The following EEA1 variants were observed in gnomAD, a reference collection of about 807,000 sequenced individuals.
EEA1 encodes early endosome antigen 1.
Under a neutral mutation model 209.2 loss-of-function variants are expected in EEA1, and 111 were observed. The observed-to-expected ratio is 0.53, with a 90% CI of 0.45 to 0.62. The LOEUF (loss-of-function observed/expected upper bound fraction) is 0.62. Ranked by LOEUF, EEA1 falls within the 20% of genes least tolerant of loss-of-function variation. EEA1 has a pLI of 0.00. For missense variants in EEA1, 1,343 were observed against 1,530.8 expected (o/e 0.88, Z 2.05); for synonymous variants, 536 against 540.6 (o/e 0.99, Z 0.12).
intron 10 of EEA1, among the ~76,000 whole-genome samples, chr12:92,837,022 G>A (rs1420067645): frequency 6.6e-6 from 1 of 151,730 alleles, no homozygotes; most frequent in Admixed American, 6.6e-5. Flanking sequence ...TCAGGAGGCT[G>A]AGGCAAGAGA....
intron 2 of EEA1, among the ~76,000 whole-genome samples, chr12:92,872,217 T>A (rs547695066): frequency 2.6e-5 from 4 of 152,024 alleles, no homozygotes; most frequent in African/African-American, 9.6e-5. Context: ...CCTGGCCAAT[T>A]TTTGTATTTT....
At chr12:92,828,268 C>T (rs1293181939) in intron 11 of EEA1, among the ~76,000 whole-genome samples, 8 of 152,046 alleles carry the variant, frequency 5.3e-5, no homozygotes, top group African/African-American at 9.7e-5. Context: ...ATAAAATTAT[C>T]GTTAAACATC....
intron 1 of EEA1, among the ~76,000 whole-genome samples, chr12:92,928,162 CA>C (rs375294585): frequency 6.4e-4 from 89 of 139,114 alleles, no homozygotes; most frequent in Admixed American, 7.2e-4. Context: ...AAAGCTATAC[CA>C]AAAAAAAAAA....
At chr12:92,827,652 C>T (rs1432866893) in intron 12 of EEA1, among the ~76,000 whole-genome samples, 1 of 152,186 alleles carries the variant, frequency 6.6e-6, no homozygotes, top group Admixed American at 6.5e-5. Context: ...ACTCTAGCAG[C>T]CTGATGGGTT....
chr12:92,910,281 C>T (rs1880530392), intron 1 of EEA1, among the ~76,000 whole-genome samples: 1 of 152,012 alleles, frequency 6.6e-6, no homozygotes, highest in African/African-American at 2.4e-5. Context: ...ACCAGCCTGA[C>T]CGACATGGTG....
intron 21 of EEA1, among the ~76,000 whole-genome samples, chr12:92,795,313 C>G (rs1874610599): frequency 6.6e-6 from 1 of 152,156 alleles, no homozygotes; most frequent in Non-Finnish European, 1.5e-5. Context: ...CTTTGATCAC[C>G]CAACCTTCAG....
chr12:92,900,712 A>T (rs1249137933), intron 1 of EEA1, among the ~76,000 whole-genome samples: 1 of 149,132 alleles, frequency 6.7e-6, no homozygotes, highest in Non-Finnish European at 1.5e-5. Context: ...TCTGTCACCC[A>T]GGCTGGGGTA....
chr12:92,894,960 A>G (rs1359557851), intron 1 of EEA1, among the ~76,000 whole-genome samples: 1 of 152,168 alleles, frequency 6.6e-6, no homozygotes, highest in East Asian at 1.9e-4. Context: ...GAACAGGGTA[A>G]TTCTTGTTAG....
At chr12:92,798,350 T>A (rs903225501) in intron 21 of EEA1, among the ~76,000 whole-genome samples, 1 of 144,248 alleles carries the variant, frequency 6.9e-6, no homozygotes. Flanking sequence ...TTATTATTAT[T>A]ATTTTTTTTT....
chr12:92,878,016 C>T (rs987999156), intron 2 of EEA1, among the ~76,000 whole-genome samples: 6 of 152,128 alleles, frequency 3.9e-5, no homozygotes, highest in Admixed American at 3.3e-4. Context: ...TGATCTGATT[C>T]CAGTCCTTGT....
At chr12:92,816,108 T>C in intron 15 of EEA1, 92 bp downstream of exon 15, 1 of 1,168,280 alleles carries the variant, frequency 8.6e-7, no homozygotes, top group Non-Finnish European at 1.2e-6. Context: ...TTTTTTCAAT[T>C]AATATGCAAG....
At chr12:92,776,752 T>C (rs558444494) in intron 28 of EEA1, 92 bp downstream of exon 28, 1 of 1,164,508 alleles carries the variant, frequency 8.6e-7, no homozygotes, top group Admixed American at 1.9e-5. Context: ...AAAATTATTC[T>C]GTCAAATGAA....
At chr12:92,875,601 C>T (rs1437681206) in intron 2 of EEA1, among the ~76,000 whole-genome samples, 1 of 152,144 alleles carries the variant, frequency 6.6e-6, no homozygotes, top group Non-Finnish European at 1.5e-5. Flanking sequence ...CTCTTTGCTC[C>T]TACCCTCACC....
At position 92,891,681 on chromosome 12, in the gene EEA1, G is replaced by C; in HGVS notation, c.65C>G (p.Ser22Ter). The C allele has an allele frequency of 6.2e-7, 1 of 1,611,184 alleles. No individual in the cohort carries two copies. Residue 22 changes from serine (S) to a stop codon, truncating the protein, a stop_gained, in exon 2 of 29, where the codon TCA becomes TGA. Coordinates refer to ENST00000322349, the MANE Select transcript of EEA1 (RefSeq NM_003566.4). LOFTEE classifies it high-confidence loss of function. ...RVGSQGSDLDSSATPINTVDV... is the reference protein window; with the variant it reads ...RVGSQGSDLD ...CACTGTGTTTATAGGAGTTGCTGAT[G>C]AATCTAAATCAGAACCTTGAGAGCC...
rs968011414 is a variant in EEA1, at chr12:92,888,406, T to C, written c.117+3223A>G. ...CCATCCTGGCTAACATGAAACCCCA[T>C]CTCTACTAAAAATACAAAAAATTAG... is the stretch of plus-strand genomic sequence containing the variant. On this transcript the variant is annotated intron_variant, in intron 2 of 28. Transcript: ENST00000322349. Among the ~76,000 whole-genome samples, 5 of 151,930 alleles carry C rather than the reference T, an allele frequency of 3.3e-5. No individual in the cohort carries two copies. The East Asian group carries it at 9.7e-4, about 30-fold the overall frequency.
chr12:92,831,404 A>C (rs895701794), intron 11 of EEA1, among the ~76,000 whole-genome samples: 8 of 150,456 alleles, frequency 5.3e-5, no homozygotes, highest in African/African-American at 1.7e-4. Context: ...TTTTGCCTTT[A>C]AGCTAGATTT....
At chr12:92,814,461 A>C (rs2136677381) in intron 15 of EEA1, among the ~76,000 whole-genome samples, 1 of 152,294 alleles carries the variant, frequency 6.6e-6, no homozygotes, top group South Asian at 2.1e-4. Flanking sequence ...TATGATAATC[A>C]CTCATGATCT....
chr12:92,881,279 G>A (rs1027317520), intron 2 of EEA1, among the ~76,000 whole-genome samples: 2 of 152,136 alleles, frequency 1.3e-5, no homozygotes, highest in Admixed American at 6.6e-5. Flanking sequence ...CCATGGTGAT[G>A]TGTGCCTATG....
chr12:92,921,893 AAG>A (rs924263195), intron 1 of EEA1, among the ~76,000 whole-genome samples: 12 of 150,762 alleles, frequency 8.0e-5, no homozygotes, highest in African/African-American at 2.9e-4. Context: ...AAAAGAAAAA[AAG>A]AAAAGAAAGC....
Sources: allele counts gnomAD v4.1 joint callset (sites outside exome capture counted in the v4.1 genomes callset), GRCh38; gene constraint gnomAD v4.1.1; transcripts MANE v1.5; gene names NCBI Gene and HGNC (gene_info 2026-07-23, HGNC 2026-07-21).